The following GRID1 variants were observed in gnomAD, a reference collection of about 807,000 sequenced individuals.
The protein encoded by GRID1 is glutamate receptor ionotropic, delta-1.
GRID1 carries 28 observed loss-of-function variants against 98.0 expected under a neutral mutation model. The ratio of observed to expected loss-of-function variants is 0.29; its 90% CI spans 0.21 to 0.39. The LOEUF is 0.39. GRID1 is among the 10% of genes least tolerant of loss of function. GRID1 has a pLI of 1.00. For missense variants in GRID1, 1,111 were observed against 1,340.5 expected, an observed-to-expected ratio of 0.83 and a Z score of 2.67; for synonymous variants, 553 against 538.5, an observed-to-expected ratio of 1.03 and a Z score of -0.37.
At chr10:85,621,600 G>A (rs941986702) in intron 13 of GRID1, among the ~76,000 whole-genome samples, 4 of 152,082 alleles carry the variant, frequency 2.6e-5, no homozygotes, top group Non-Finnish European at 5.9e-5. Flanking sequence ...TTTGCCCAAC[G>A]ACCTTGTAAG....
intron 4 of GRID1, among the ~76,000 whole-genome samples, chr10:85,959,067 C>T (rs530724766): frequency 6.6e-6 from 1 of 152,268 alleles, no homozygotes; most frequent in Non-Finnish European, 1.5e-5. Context: ...ATTTTCCAAC[C>T]TTCAAACTTG....
At chr10:86,055,430 T>C (rs1843559121) in intron 4 of GRID1, among the ~76,000 whole-genome samples, 1 of 151,912 alleles carries the variant, frequency 6.6e-6, no homozygotes, top group Non-Finnish European at 1.5e-5. Flanking sequence ...TTAGATGAGG[T>C]CATGAGGGTG....
rs780803944 is a variant in GRID1, at chr10:86,366,274, G to A, written c.79+40C>T. On this transcript the variant is annotated intron_variant, in intron 1 of 15. Coordinates refer to ENST00000327946, the MANE Select transcript of GRID1 (RefSeq NM_017551.3). The surrounding 1 kb of genome is among the most constrained non-coding windows in gnomAD (Gnocchi z 4.1). The stretch of plus-strand genomic sequence containing the variant: ...GCCGCGCACCCCCTGCCCCGTTGGG[G>A]CCCCCGCCCAGCCTCGGCCCGGCCT... The A allele has an allele frequency of 1.4e-6, 2 of 1,419,064 alleles. No individual in the cohort carries two copies. Among genetic ancestry groups the A allele is most frequent in the Non-Finnish European group, 1.9e-6 (2 of 1,062,150 alleles). 87.9% of individuals were successfully genotyped at this position (1,419,064 alleles called of 1,614,324 possible).
chr10:85,992,146 A>C (rs889657038), intron 4 of GRID1, among the ~76,000 whole-genome samples: 23 of 151,986 alleles, frequency 1.5e-4, no homozygotes, highest in Non-Finnish European at 5.9e-5. Flanking sequence ...CTCCCATCTG[A>C]TGGCTAAATA....
At chr10:85,744,267 C>G (rs989797507) in intron 8 of GRID1, among the ~76,000 whole-genome samples, 1 of 152,152 alleles carries the variant, frequency 6.6e-6, no homozygotes, top group Non-Finnish European at 1.5e-5. Context: ...TCCCTAGGAG[C>G]CTGTTTGGGA....
chr10:86,034,076 G>A (rs1843222675), intron 4 of GRID1, among the ~76,000 whole-genome samples: 1 of 152,204 alleles, frequency 6.6e-6, no homozygotes, highest in South Asian at 2.1e-4. Context: ...ACCCTTCAGA[G>A]TAATCAAATG....
chr10:86,246,175 T>TGGCCTTGACTTAGAGCC (rs1846723513), intron 2 of GRID1, among the ~76,000 whole-genome samples: 2 of 152,212 alleles, frequency 1.3e-5, no homozygotes, highest in Non-Finnish European at 2.9e-5. Context: ...AGAACCTCTC[T>TGGCCTTGACTTAGAGCC]GGCCTTGACT....
intron 4 of GRID1, among the ~76,000 whole-genome samples, chr10:86,072,847 G>A (rs550904798): frequency 4.6e-5 from 7 of 152,320 alleles, no homozygotes; most frequent in Admixed American, 1.3e-4. Context: ...TAGGAAAGGC[G>A]CAGGTGCCTG....
chr10:86,120,337 G>C (rs1844647325), intron 4 of GRID1, among the ~76,000 whole-genome samples: 1 of 152,104 alleles, frequency 6.6e-6, no homozygotes, highest in African/African-American at 2.4e-5. Flanking sequence ...CAGCTCAGAT[G>C]GTGCTTCCTA....
intron 13 of GRID1, among the ~76,000 whole-genome samples, chr10:85,637,463 G>C (rs1367813843): frequency 6.6e-6 from 1 of 152,192 alleles, no homozygotes; most frequent in Non-Finnish European, 1.5e-5. Flanking sequence ...ATAGAACTCA[G>C]GAGGCTGAAG....
intron 1 of GRID1, among the ~76,000 whole-genome samples, chr10:86,364,857 G>A (rs1410861107): frequency 1.3e-5 from 2 of 152,262 alleles, no homozygotes; most frequent in African/African-American, 4.8e-5. Context: ...TTCTAGAACC[G>A]CGGACAGCTC....
At chr10:85,894,123 C>G (rs1841244495) in intron 5 of GRID1, among the ~76,000 whole-genome samples, 1 of 152,112 alleles carries the variant, frequency 6.6e-6, no homozygotes, top group African/African-American at 2.4e-5. Context: ...ATCCTTCCAC[C>G]AGTCAATGGT....
At chr10:85,889,216 G>A (rs769846619) in intron 5 of GRID1, among the ~76,000 whole-genome samples, 1 of 152,198 alleles carries the variant, frequency 6.6e-6, no homozygotes, top group Non-Finnish European at 1.5e-5. Flanking sequence ...GGTTTCAGCA[G>A]TCACAGGCAG....
At chr10:86,127,096 G>C (rs1589380639) in intron 4 of GRID1, among the ~76,000 whole-genome samples, 1 of 152,236 alleles carries the variant, frequency 6.6e-6, no homozygotes. Context: ...ATAGGGCAGA[G>C]AGAAGGGGCA....
intron 8 of GRID1, among the ~76,000 whole-genome samples, chr10:85,820,056 AGGCAGGCAGGCAGGAAGGCAGGT>A: frequency 8.6e-6 from 1 of 116,002 alleles, no homozygotes; most frequent in African/African-American, 3.9e-5. Context: ...GCAGGCAGGC[AGGCAGGCAGGCAGGAAGGCAGGT>A]AGGCAGGCAG....
chr10:86,100,960 G>A (rs1844287585), intron 4 of GRID1, among the ~76,000 whole-genome samples: 1 of 152,158 alleles, frequency 6.6e-6, no homozygotes, highest in African/African-American at 2.4e-5. Flanking sequence ...GAGACTTGAG[G>A]CTGTTTGTTA....
At chr10:86,130,558 C>T (rs531903597) in intron 4 of GRID1, among the ~76,000 whole-genome samples, 18 of 152,226 alleles carry the variant, frequency 1.2e-4, no homozygotes, top group Admixed American at 3.9e-4. Context: ...GAGAGGAGTT[C>T]GGTTGGAGAC....
chr10:86,202,370 C>A (rs1845966708), intron 3 of GRID1, among the ~76,000 whole-genome samples: 1 of 152,270 alleles, frequency 6.6e-6, no homozygotes, highest in African/African-American at 2.4e-5. Flanking sequence ...TTACAACCTT[C>A]ATCCAAATTT....
intron 8 of GRID1, among the ~76,000 whole-genome samples, chr10:85,780,716 C>T (rs532369301): frequency 6.6e-6 from 1 of 152,218 alleles, no homozygotes; most frequent in Non-Finnish European, 1.5e-5. Flanking sequence ...CCTATTTCCA[C>T]TCTGCCATGC....
Sources: gnomAD v4.1 joint callset for allele counts (sites outside exome capture counted in the v4.1 genomes callset) on GRCh38, gnomAD v4.1.1 for gene constraint, Gnocchi (gnomAD v3.1) non-coding constraint, MANE v1.5 for transcripts, NCBI Gene and HGNC (gene_info 2026-07-23, HGNC 2026-07-21) for gene names.